Variants in NHSL2 observed in about 807,000 individuals in gnomAD.
NHSL2 encodes NHS-like protein 2.
Under a neutral mutation model 53.4 loss-of-function variants are expected in NHSL2, and 27 were observed. That is an observed-to-expected ratio of 0.51 (90% CI 0.37 to 0.70). The LOEUF (loss-of-function observed/expected upper bound fraction) is 0.70. Ranked by LOEUF, NHSL2 falls within the 30% of genes least tolerant of loss-of-function variation. The pLI is 0.00. For missense variants in NHSL2, 892 were observed against 980.1 expected, an observed-to-expected ratio of 0.91 and a Z score of 1.20; for synonymous variants, 408 against 404.1, an observed-to-expected ratio of 1.01 and a Z score of -0.12.
rs147457520 is a variant in NHSL2, at chrX:71,922,355, C to G, written c.280+10988C>G. Among the ~76,000 whole-genome samples, 281 of 111,431 alleles carry G rather than the reference C, an allele frequency of 2.5e-3. 2 individuals are homozygous for G. The highest frequency in any genetic ancestry group is 8.8e-3 in the African/African-American group (270 of 30,613). On this transcript the variant is annotated intron_variant, in intron 1 of 7. Coordinates refer to ENST00000633930, the MANE Select transcript of NHSL2 (RefSeq NM_001013627.3). The stretch of plus-strand genomic sequence containing the variant: ...TTATGTGACCCTGTCAGCAGCCCCC[C>G]TGGGAAATACGAAGGCAAGGGGGAC...
chrX:72,087,644 G>A (rs2041860378), intron 1 of NHSL2, among the ~76,000 whole-genome samples: 1 of 111,938 alleles, frequency 8.9e-6, no homozygotes, highest in African/African-American at 3.3e-5. Context: ...GGCCGAGGTG[G>A]GCAGATCACG....
chrX:72,006,839 C>T (rs748294611), intron 1 of NHSL2, among the ~76,000 whole-genome samples: 1 of 112,684 alleles, frequency 8.9e-6, no homozygotes, highest in Non-Finnish European at 1.9e-5. Context: ...GCCACTGCTC[C>T]TAGCCATCCA....
intron 1 of NHSL2, among the ~76,000 whole-genome samples, chrX:71,924,675 A>G (rs756932087): frequency 8.9e-6 from 1 of 112,412 alleles, no homozygotes; most frequent in African/African-American, 3.2e-5. Flanking sequence ...TTAGATGAAT[A>G]TAAAGAGTTC....
chrX:72,097,315 T>C (rs1569479704), intron 1 of NHSL2, among the ~76,000 whole-genome samples: 1 of 111,743 alleles, frequency 8.9e-6, no homozygotes, highest in Non-Finnish European at 1.9e-5. Flanking sequence ...TCCAGGGGAA[T>C]TTCACATATA....
chrX:72,144,645 A>G lies in NHSL2; in HGVS notation c.*1071A>G. The G allele has an allele frequency of 1.4e-6, 1 of 717,046 alleles. No homozygotes were observed. Among genetic ancestry groups the G allele is most frequent in the Non-Finnish European group, 2.0e-6 (1 of 500,825 alleles). 59.1% of individuals were successfully genotyped at this position (717,046 alleles called of 1,213,427 possible). A position where few individuals can be genotyped will look rare whatever the true frequency, so the allele number is the denominator to read the frequency against. On this transcript the variant is annotated 3_prime_UTR_variant, in exon 8 of 8. Coordinates refer to ENST00000633930, the MANE Select transcript of NHSL2 (RefSeq NM_001013627.3). ...TGTTCCAAAAACCAAGAACATATAAACTAAAAGGATCTATCCAAAATCTAA... is the reference window on the plus strand; with the variant it reads ...TGTTCCAAAAACCAAGAACATATAAGCTAAAAGGATCTATCCAAAATCTAA...
intron 1 of NHSL2, among the ~76,000 whole-genome samples, chrX:71,983,223 G>C (rs1602293830): frequency 9.0e-6 from 1 of 111,571 alleles, no homozygotes; most frequent in South Asian, 3.8e-4. Context: ...TCACTATGAT[G>C]ATGGGTATAC....
At chrX:72,075,847 A>G (rs1480600765) in intron 1 of NHSL2, among the ~76,000 whole-genome samples, 3 of 109,008 alleles carry the variant, frequency 2.8e-5, no homozygotes, top group Non-Finnish European at 5.7e-5. Context: ...CACCTGAACC[A>G]GGGGTTCTCA....
At chrX:72,053,322 C>T (rs1460253374) in intron 1 of NHSL2, among the ~76,000 whole-genome samples, 1 of 111,494 alleles carries the variant, frequency 9.0e-6, no homozygotes, top group Non-Finnish European at 1.9e-5. Context: ...TCTCCATTCT[C>T]TCCACCTCCA....
chrX:71,959,046 G>C (rs762379591), intron 1 of NHSL2, among the ~76,000 whole-genome samples: 2 of 112,183 alleles, frequency 1.8e-5, no homozygotes, highest in Non-Finnish European at 3.8e-5. Flanking sequence ...AAATGCGAGA[G>C]TTAGGCAGCT....
intron 1 of NHSL2, among the ~76,000 whole-genome samples, chrX:71,955,017 C>T (rs757187263): frequency 8.9e-6 from 1 of 112,195 alleles, no homozygotes; most frequent in Admixed American, 9.4e-5. Context: ...GTCTTGTGAC[C>T]CACCACTTCC....
intron 1 of NHSL2, among the ~76,000 whole-genome samples, chrX:72,069,977 G>A (rs969618913): frequency 2.7e-5 from 3 of 112,154 alleles, no homozygotes; most frequent in African/African-American, 9.7e-5. Context: ...CCCCTTCGCC[G>A]GCAACCCTGT....
intron 1 of NHSL2, among the ~76,000 whole-genome samples, chrX:72,072,560 C>T (rs1438106160): frequency 8.9e-6 from 1 of 111,751 alleles, no homozygotes; most frequent in African/African-American, 3.3e-5. Context: ...CATTACCATG[C>T]TTTCACTAAT....
intron 1 of NHSL2, among the ~76,000 whole-genome samples, chrX:71,946,025 C>T (rs760414895): frequency 1.8e-4 from 20 of 112,089 alleles, no homozygotes; most frequent in Non-Finnish European, 3.6e-4. Context: ...GCTGACATAC[C>T]GGCTGTGCGG....
intron 1 of NHSL2, among the ~76,000 whole-genome samples, chrX:72,050,998 G>A (rs1179223518): frequency 9.0e-6 from 1 of 111,549 alleles, no homozygotes; most frequent in Non-Finnish European, 1.9e-5. Flanking sequence ...TGTCTGGGCT[G>A]TGATGCAAAT....
At chrX:72,079,890 C>T (rs1325821408) in intron 1 of NHSL2, 2 of 112,954 alleles carry the variant, frequency 1.8e-5, no homozygotes, top group African/African-American at 6.4e-5. Flanking sequence ...TCACAGTAAA[C>T]TTCCCTCGCC....
intron 1 of NHSL2, among the ~76,000 whole-genome samples, chrX:72,045,951 C>T (rs965965933): frequency 5.4e-5 from 6 of 111,841 alleles, no homozygotes; most frequent in African/African-American, 2.0e-4. Flanking sequence ...TTCTTAAGCT[C>T]CCTTCATAGA....
chrX:72,026,553 A>G (rs754375549), intron 1 of NHSL2, among the ~76,000 whole-genome samples: 2 of 112,699 alleles, frequency 1.8e-5, no homozygotes, highest in South Asian at 7.3e-4. Context: ...GCTATGGGGA[A>G]GGCACCACAG....
At chrX:72,095,066 G>C (rs934465385) in intron 1 of NHSL2, among the ~76,000 whole-genome samples, 1 of 112,137 alleles carries the variant, frequency 8.9e-6, no homozygotes, top group Non-Finnish European at 1.9e-5. Context: ...AGGAAGGGCT[G>C]TCTCTCAGTG....
chrX:72,049,557 C>T lies in NHSL2; in HGVS notation c.281-82522C>T, dbSNP rs2042327971. Among the ~76,000 whole-genome samples, 4 of 109,426 alleles carry T rather than the reference C, an allele frequency of 3.7e-5. No homozygotes were observed. The Admixed American group carries it at 3.9e-4, about 11-fold the overall frequency. On this transcript the variant is annotated intron_variant, in intron 1 of 7. Coordinates refer to ENST00000633930, the MANE Select transcript of NHSL2 (RefSeq NM_001013627.3). ...GGTGTCCATTTTGCTTCCCCAAACC[C>T]CCTCATACCTGTTCCTACTCATGAG...
Sources: allele counts gnomAD v4.1 joint callset (sites outside exome capture counted in the v4.1 genomes callset), GRCh38; gene constraint gnomAD v4.1.1; transcripts MANE v1.5; gene names NCBI Gene and HGNC (gene_info 2026-07-23, HGNC 2026-07-21).